The following CCDC60 variants were observed in gnomAD, a reference collection of about 807,000 sequenced individuals.
CCDC60 encodes coiled-coil domain containing 60, also known as coiled-coil domain-containing protein 60.
Under a neutral mutation model 63.5 loss-of-function variants are expected in CCDC60, and 54 were observed. The ratio of observed to expected loss-of-function variants is 0.85; its 90% CI spans 0.68 to 1.07. The LOEUF (loss-of-function observed/expected upper bound fraction) is 1.07. Ranked by LOEUF, CCDC60 falls within the 50% of genes least tolerant of loss-of-function variation. The probability of loss-of-function intolerance (pLI) is 0.00; values close to 1 mark genes in which losing one functional copy is unlikely to be tolerated. For synonymous variants in CCDC60, 206 were observed against 238.8 expected, an observed-to-expected ratio of 0.86 and a Z score of 1.27; for missense variants, 651 against 684.3, an observed-to-expected ratio of 0.95 and a Z score of 0.54.
Position 119,464,554 on chromosome 12 carries a change from G to A in CCDC60, c.171-7440G>A, listed in dbSNP as rs555291629. On this transcript the variant is annotated intron_variant, in intron 2 of 13. Transcript: ENST00000327554. ...CTGAATAGACCCTCTCTTGGCCAAG[G>A]GAACCCCCGAAAAACCTTAAAAACT... 2.6e-5 allele frequency among the ~76,000 whole-genome samples: 4 copies of A among 152,032 alleles called. No individual in the cohort carries two copies. The South Asian group carries it at 6.2e-4, about 24-fold the overall frequency.
intron 7 of CCDC60, among the ~76,000 whole-genome samples, chr12:119,506,749 G>T (rs1359586950): frequency 1.3e-5 from 2 of 152,156 alleles, no homozygotes; most frequent in Non-Finnish European, 2.9e-5. Flanking sequence ...ACAATATTTT[G>T]AGTGGGGTGC....
chr12:119,509,754 C>T (rs1277905188), intron 7 of CCDC60, among the ~76,000 whole-genome samples: 1 of 152,132 alleles, frequency 6.6e-6, no homozygotes, highest in Non-Finnish European at 1.5e-5. Context: ...ATTTAATCCT[C>T]ACAAGAACTT....
At chr12:119,343,660 CTA>C (rs60934414) in intron 1 of CCDC60, among the ~76,000 whole-genome samples, 33,110 of 140,776 alleles carry the variant, frequency 0.24, 4,221 homozygotes, top group East Asian at 0.57. Context: ...GAAAGGCAAA[CTA>C]TATATATATA....
At chr12:119,493,094 T>C (rs1951626969) in intron 5 of CCDC60, among the ~76,000 whole-genome samples, 1 of 152,162 alleles carries the variant, frequency 6.6e-6, no homozygotes. Flanking sequence ...TAATACCTAA[T>C]CTCCAGTTCT....
chr12:119,425,080 G>T (rs1402255151), intron 1 of CCDC60, among the ~76,000 whole-genome samples: 1 of 152,200 alleles, frequency 6.6e-6, no homozygotes, highest in Non-Finnish European at 1.5e-5. Flanking sequence ...TAAAATTTAG[G>T]ATGTTTAGGA....
chr12:119,373,461 T>C (rs1408109076), intron 1 of CCDC60, among the ~76,000 whole-genome samples: 1 of 152,134 alleles, frequency 6.6e-6, no homozygotes. Context: ...CTTATCACAA[T>C]TGAGGCACTG....
intron 1 of CCDC60, among the ~76,000 whole-genome samples, chr12:119,383,911 C>A (rs1268787986): frequency 6.6e-6 from 1 of 152,128 alleles, no homozygotes; most frequent in Non-Finnish European, 1.5e-5. Flanking sequence ...AAGAGACAGA[C>A]CTAGGCCGGG....
At chr12:119,501,259 C>T (rs1028796842) in intron 6 of CCDC60, among the ~76,000 whole-genome samples, 1 of 152,166 alleles carries the variant, frequency 6.6e-6, no homozygotes, top group African/African-American at 2.4e-5. Flanking sequence ...CACTGTTCAA[C>T]ATAATTGTAA....
chr12:119,522,747 C>T (rs537562789), intron 9 of CCDC60, among the ~76,000 whole-genome samples, 192 bp from the exon 10 acceptor site: 2 of 152,236 alleles, frequency 1.3e-5, no homozygotes, highest in East Asian at 1.9e-4. Context: ...GAGGACCCTC[C>T]AGGCAGGGAT....
In CCDC60 at chr12:119,519,853, A is replaced by AGTGTGTGT. The variant is rs376695394; in HGVS notation, c.969-267_969-266insTGTGTGTG. Among the ~76,000 whole-genome samples, 4 of 135,228 alleles carry AGTGTGTGT rather than the reference A, an allele frequency of 3.0e-5. No individual in the cohort carries two copies. In the East Asian group the frequency reaches 9.4e-4, roughly 32 times the overall value. The allele number at this position is 135,228 out of a possible 152,430, so 88.7% of individuals were successfully genotyped here. A position where few individuals can be genotyped will look rare whatever the true frequency, so the allele number is the denominator to read the frequency against. On this transcript the variant is annotated intron_variant, in intron 8 of 13. Coordinates refer to ENST00000327554, the MANE Select transcript of CCDC60 (RefSeq NM_178499.5). Reference sequence around the variant, plus strand: ...GGGGAATTTTAGGAGAGAGAGAGAGAGAGTGTGTGTGTGTGTGTGTGTGTA... The same window carrying AGTGTGTGT: ...GGGGAATTTTAGGAGAGAGAGAGAGAGTGTGTGTGAGTGTGTGTGTGTGTGTGTGTGTA...
At chr12:119,387,664 T>C (rs565459846) in intron 1 of CCDC60, among the ~76,000 whole-genome samples, 1 of 152,342 alleles carries the variant, frequency 6.6e-6, no homozygotes, top group Admixed American at 6.5e-5. Flanking sequence ...TAAATGGGAT[T>C]ATACCATATG....
intron 1 of CCDC60, among the ~76,000 whole-genome samples, chr12:119,340,151 T>A (rs750806218): frequency 4.5e-4 from 69 of 152,308 alleles, no homozygotes; most frequent in Non-Finnish European, 7.3e-4. Context: ...ATTATATGTC[T>A]CAGTTTCAGA....
chr12:119,430,764 C>T (rs1950215525), intron 2 of CCDC60, among the ~76,000 whole-genome samples: 1 of 152,018 alleles, frequency 6.6e-6, no homozygotes, highest in African/African-American at 2.4e-5. Context: ...ACCGACCCTG[C>T]TGGCACCTGC....
chr12:119,351,104 T>G (rs1955652007), intron 1 of CCDC60, among the ~76,000 whole-genome samples: 1 of 152,198 alleles, frequency 6.6e-6, no homozygotes, highest in African/African-American at 2.4e-5. Context: ...TGGTGGCCTC[T>G]CCCTCATTCA....
intron 13 of CCDC60, 145 bp downstream of exon 13, chr12:119,531,208 A>G (rs1336392641): frequency 1.4e-6 from 1 of 692,562 alleles, no homozygotes; most frequent in African/African-American, 1.8e-5. Context: ...GGATTGTCCC[A>G]TTACCTGGTT....
At chr12:119,372,911 TGTC>T (rs1166709707) in intron 1 of CCDC60, among the ~76,000 whole-genome samples, 4 of 152,182 alleles carry the variant, frequency 2.6e-5, no homozygotes, top group Non-Finnish European at 5.9e-5. Flanking sequence ...AAAAGCATAA[TGTC>T]GTGGATATTA....
rs928545882 is a variant in CCDC60 at position 119,531,077 on chromosome 12, C to T, written c.1551+14C>T. ...GTGGCTATTGAGGTAAACACCACCT[C>T]CTTCCCCTCCACAGTGTTTCAGGTG... On this transcript the variant is annotated intron_variant, in intron 13 of 13. Transcript: ENST00000327554. The T allele has an allele frequency of 6.2e-7, 1 of 1,609,360 alleles. No homozygotes were observed. Among genetic ancestry groups the T allele is most frequent in the African/African-American group, 1.3e-5 (1 of 74,934 alleles).
chr12:119,365,239 G>C (rs1311867429), intron 1 of CCDC60, among the ~76,000 whole-genome samples: 3 of 152,044 alleles, frequency 2.0e-5, no homozygotes, highest in Non-Finnish European at 4.4e-5. Context: ...GACGAGCCCT[G>C]GTTAGACTGA....
chr12:119,391,271 G>T (rs1490857511), intron 1 of CCDC60, among the ~76,000 whole-genome samples: 3 of 152,190 alleles, frequency 2.0e-5, no homozygotes, highest in African/African-American at 7.2e-5. Flanking sequence ...ATGTGTATGT[G>T]TGTGTGTGTC....
Sources: allele counts gnomAD v4.1 joint callset (sites outside exome capture counted in the v4.1 genomes callset), GRCh38; gene constraint gnomAD v4.1.1; transcripts MANE v1.5; gene names NCBI Gene and HGNC (gene_info 2026-07-23, HGNC 2026-07-21).